STIL: variants seen among roughly 807,000 people sequenced by gnomAD.
STIL encodes STIL centriolar assembly protein.
Under a neutral mutation model 110.1 loss-of-function variants are expected in STIL, and 55 were observed. That is an observed-to-expected ratio of 0.50 (90% CI 0.40 to 0.63). The LOEUF (loss-of-function observed/expected upper bound fraction) is 0.63, where lower values mean the gene tolerates loss of function less well. STIL is among the 20% of genes least tolerant of loss of function. The pLI, the probability that STIL is intolerant of heterozygous loss-of-function variation, is 0.00. For synonymous variants in STIL, 481 were observed against 530.0 expected (o/e 0.91, Z 1.27); for missense variants, 1,358 against 1,530.0 (o/e 0.89, Z 1.87).
rs892506715 is a variant in STIL at position 47,269,945 on chromosome 1, T to C, written c.2384-79A>G. 2.7e-5 allele frequency: 37 copies of C among 1,370,106 alleles called. No individual in the cohort carries two copies. In the African/African-American group the frequency reaches 4.4e-4, roughly 16 times the overall value. The allele number at this position is 1,370,106 out of a possible 1,614,324, so 84.9% of individuals were successfully genotyped here. A position where few individuals can be genotyped will look rare whatever the true frequency, so the allele number is the denominator to read the frequency against. ...TACTCTGCCAAACCTTTGTTAAGAATAGCCATATTGGCTGGGTGCAATGGC... is the reference window on the plus strand; with the variant it reads ...TACTCTGCCAAACCTTTGTTAAGAACAGCCATATTGGCTGGGTGCAATGGC... On this transcript the variant is annotated intron_variant, in intron 13 of 16. Transcript: ENST00000371877.
At chr1:47,302,430 AAC>A in intron 3 of STIL, 84 bp from the exon 4 acceptor site, 1 of 1,029,932 alleles carries the variant, frequency 9.7e-7, no homozygotes, top group Non-Finnish European at 1.5e-6. Context: ...TCTAAATTAT[AAC>A]ACACATTTTT....
chr1:47,281,034 C>CTTTA lies in STIL; in HGVS notation c.1423_1424insTAAA (p.Ser475IlefsTer6), dbSNP rs1360021938. The CTTTA allele has an allele frequency of 1.2e-6, 2 of 1,614,126 alleles. No individual in the cohort carries two copies. Among genetic ancestry groups the CTTTA allele is most frequent in the East Asian group, 2.2e-5 (1 of 44,872 alleles). On this transcript the variant is annotated frameshift_variant, in exon 12 of 17. Coordinates refer to ENST00000371877, the MANE Select transcript of STIL (RefSeq NM_001048166.1). LOFTEE classifies it high-confidence loss of function. ...AGGCTCTCCAGCTTCAACTTCTGGA[C>CTTTA]TGTGTTTCTCATCATAAAGCTGGGG...
intron 12 of STIL, among the ~76,000 whole-genome samples, chr1:47,273,884 A>C (rs1176790176): frequency 2.6e-5 from 4 of 152,218 alleles, no homozygotes; most frequent in Non-Finnish European, 5.9e-5. Flanking sequence ...TAATAGTATA[A>C]AATGGCATGT....
In STIL at chr1:47,269,480, T is replaced by C. The variant is rs530682000; in HGVS notation, c.2615+155A>G. On this transcript the variant is annotated intron_variant, in intron 14 of 16. Coordinates refer to ENST00000371877, the MANE Select transcript of STIL (RefSeq NM_001048166.1). ...TTTTTACCACAGAAAAAGTTAAGTA[T>C]GTGAAGTGATAGATTTGTTGGTCTG... 3.3e-5 allele frequency among the ~76,000 whole-genome samples: 5 copies of C among 152,334 alleles called. No individual in the cohort carries two copies. The East Asian group carries it at 9.6e-4, about 29-fold the overall frequency.
At position 47,259,006 on chromosome 1, in the gene STIL, T is replaced by TTTTTTTTTTTTTG. The variant is rs55925437; in HGVS notation, c.3080+1282_3080+1283insCAAAAAAAAAAAA. Among the ~76,000 whole-genome samples the TTTTTTTTTTTTTG allele has an allele frequency of 3.9e-5, 2 of 51,702 alleles. 1 individual carries two copies. Among genetic ancestry groups the TTTTTTTTTTTTTG allele is most frequent in the Non-Finnish European group, 1.0e-4 (2 of 19,690 alleles). The allele number at this position is 51,702 out of a possible 152,430, so 33.9% of individuals were successfully genotyped here. On this transcript the variant is annotated intron_variant, in intron 16 of 16. Coordinates refer to ENST00000371877, the MANE Select transcript of STIL (RefSeq NM_001048166.1). ...AAGTAACTTTGCTTTTTTTTTTTTT[T>TTTTTTTTTTTTTG]GAGACAGTCTTGCTTTGCTATCCAA...
chr1:47,294,003 C>T (rs528122599), intron 7 of STIL, among the ~76,000 whole-genome samples: 6 of 152,282 alleles, frequency 3.9e-5, no homozygotes, highest in African/African-American at 1.4e-4. Flanking sequence ...AGAGAGAAGG[C>T]TCTTAATATT....
chr1:47,280,855 A>G lies in STIL; in HGVS notation c.1603T>C (p.Phe535Leu). The G allele has an allele frequency of 6.2e-6, 10 of 1,614,190 alleles. No individual in the cohort carries two copies. The highest frequency in any genetic ancestry group is 7.6e-6 in the Non-Finnish European group (9 of 1,180,030). The change falls in exon 12 of 17, where the codon TTT (phenylalanine) becomes CTT (leucine). Residue 535 changes from phenylalanine (F) to leucine (L), a missense_variant. Coordinates refer to ENST00000371877, the MANE Select transcript of STIL (RefSeq NM_001048166.1). Reference protein sequence around the residue: ...SSHNGPSHDIFEKLQTVSAGN... With the variant: ...SSHNGPSHDILEKLQTVSAGN... Reference sequence around the variant, plus strand: ...GCAGAAACTGTTTGGAGCTTTTCAAATATATCATGAGATGGCCCATTATGA... The same window carrying G: ...GCAGAAACTGTTTGGAGCTTTTCAAGTATATCATGAGATGGCCCATTATGA...
In STIL at chr1:47,255,759, G is replaced by A. The variant is rs536539585; in HGVS notation, c.3081-3837C>T. On this transcript the variant is annotated intron_variant, in intron 16 of 16. Coordinates refer to ENST00000371877, the MANE Select transcript of STIL (RefSeq NM_001048166.1). ...TATGTAGAGGTTGCTTCCAGACCTC[G>A]AACCCACAATCTCCATTTCCTGCAC... 1.0e-3 allele frequency among the ~76,000 whole-genome samples: 158 copies of A among 152,188 alleles called. 1 individual carries two copies. Among genetic ancestry groups the A allele is most frequent in the African/African-American group, 3.6e-3 (149 of 41,516 alleles).
chr1:47,260,328 G>C lies in STIL; in HGVS notation c.3041C>G (p.Thr1014Ser). 1 of 1,614,142 alleles carries C rather than the reference G, an allele frequency of 6.2e-7. No homozygotes were observed. The highest frequency in any genetic ancestry group is 8.5e-7 in the Non-Finnish European group (1 of 1,180,022). Residue 1014 changes from threonine to serine, a missense_variant, in exon 16 of 17, where the codon ACT (threonine) becomes AGT (serine). Coordinates refer to ENST00000371877, the MANE Select transcript of STIL (RefSeq NM_001048166.1). The stretch of plus-strand genomic sequence containing the variant: ...GTTATGTGCATTTTTCTTCACTTTA[G>C]TGGGAGAATCAATTTTTACTCCAAG... ...RSLGVKIDSP[T>S]KVKKNAHNVD...
intron 15 of STIL, 88 bp downstream of exon 15, chr1:47,262,815 A>C: frequency 1.6e-6 from 2 of 1,229,168 alleles, no homozygotes; most frequent in Non-Finnish European, 2.4e-6. Flanking sequence ...TTAAGGTCTC[A>C]ATCAGTTTAA....
At chr1:47,275,819 G>C (rs2148916213) in intron 12 of STIL, among the ~76,000 whole-genome samples, 1 of 151,990 alleles carries the variant, frequency 6.6e-6, no homozygotes, top group East Asian at 1.9e-4. Flanking sequence ...TAGAGATGGA[G>C]TCTCACTATG....
At position 47,262,948 on chromosome 1, in the gene STIL, C is replaced by G. The variant is rs752089431; in HGVS notation, c.2784G>C (p.Leu928Phe). Residue 928 changes from leucine (L) to phenylalanine (F), a missense_variant, in exon 15 of 17, where the codon TTG (leucine) becomes TTC (phenylalanine). Leu to Phe is a conservative substitution (Grantham distance 22). Transcript: ENST00000371877. ...EPKIEHVMQP[L>F]LHQPSDNQKI... is the part of the protein sequence containing the mutation. ...TCTGGTTATCTGATGGTTGATGAAG[C>G]AAGGGTTGCATTACATGCTCAATTT... is the stretch of plus-strand genomic sequence containing the variant. The G allele has an allele frequency of 1.1e-5, 18 of 1,613,964 alleles. No homozygotes were observed. Among genetic ancestry groups the G allele is most frequent in the Non-Finnish European group, 1.4e-5 (16 of 1,180,024 alleles).
intron 2 of STIL, among the ~76,000 whole-genome samples, chr1:47,307,204 C>G (rs1645985099): frequency 2.0e-5 from 3 of 152,054 alleles, no homozygotes; most frequent in African/African-American, 7.2e-5. Context: ...GCCTGTAATC[C>G]CAGTTACTCA....
upstream of STIL, among the ~76,000 whole-genome samples, chr1:47,314,584 A>G (rs143291951): frequency 1.0e-3 from 156 of 152,340 alleles, no homozygotes; most frequent in South Asian, 7.9e-3. Context: ...AAAAGACAAG[A>G]AAGTTAGAGT....
At position 47,251,337 on chromosome 1, in the gene STIL, G is replaced by A; in HGVS notation, c.3666C>T (p.Asn1222=). 1 of 1,614,162 alleles carries A rather than the reference G, an allele frequency of 6.2e-7. No homozygotes were observed. The change falls in exon 17 of 17, where the codon AAC becomes AAT. Residue 1222 remains asparagine (N), a synonymous_variant. Transcript: ENST00000371877. ...GGTTCACTGCAGGACTTGGTTTAAG[G>A]TTCTTTACTAAGAAAGCTGGCTTTT... ...LTEKPAFLVK[N]LKPSPAVNLR... is the part of the protein sequence containing the mutation.
intron 12 of STIL, among the ~76,000 whole-genome samples, chr1:47,279,123 C>T (rs1166592066): frequency 6.6e-6 from 1 of 152,104 alleles, no homozygotes; most frequent in Non-Finnish European, 1.5e-5. Context: ...TAGTGAAACT[C>T]CGTCTCTACT....
chr1:47,272,289 A>G lies in STIL; in HGVS notation c.2218-48T>C, dbSNP rs201136372. The G allele has an allele frequency of 8.2e-5, 131 of 1,601,426 alleles. 1 individual carries two copies. The East Asian group carries it at 2.9e-3, about 36-fold the overall frequency. Reference sequence around the variant, plus strand: ...TTAAACTGACAGGGAAGTAATCAACAAAACTGGCAGCAGTTTAATAATGAA... The same window carrying G: ...TTAAACTGACAGGGAAGTAATCAACGAAACTGGCAGCAGTTTAATAATGAA... On this transcript the variant is annotated intron_variant, in intron 12 of 16. Coordinates refer to ENST00000371877, the MANE Select transcript of STIL (RefSeq NM_001048166.1).
At chr1:47,307,407 T>G (rs969863368) in intron 2 of STIL, among the ~76,000 whole-genome samples, 1 of 152,176 alleles carries the variant, frequency 6.6e-6, no homozygotes, top group Non-Finnish European at 1.5e-5. Context: ...CATTTATTAG[T>G]TCCCCAAATT....
chr1:47,267,116 G>T (rs184929004), intron 14 of STIL, among the ~76,000 whole-genome samples: 13 of 152,094 alleles, frequency 8.5e-5, no homozygotes, highest in Non-Finnish European at 1.5e-4. Context: ...CATCATTCAG[G>T]TCACTACTCA....
Sources: gnomAD v4.1 joint callset for allele counts (sites outside exome capture counted in the v4.1 genomes callset) on GRCh38, gnomAD v4.1.1 for gene constraint, MANE v1.5 for transcripts, NCBI Gene and HGNC (gene_info 2026-07-23, HGNC 2026-07-21) for gene names.